ADAMTS3: variants seen among roughly 807,000 people sequenced by gnomAD.
ADAMTS3 encodes A disintegrin and metalloproteinase with thrombospondin motifs 3.
Under a neutral mutation model 129.0 loss-of-function variants are expected in ADAMTS3, and 73 were observed. The ratio of observed to expected loss-of-function variants is 0.57; its 90% confidence interval spans 0.47 to 0.69. The LOEUF (loss-of-function observed/expected upper bound fraction) is 0.69. ADAMTS3 is among the 30% of genes least tolerant of loss of function. ADAMTS3 has a pLI of 0.00. For synonymous variants in ADAMTS3, 477 were observed against 510.8 expected, an observed-to-expected ratio of 0.93 and a Z score of 0.89; for missense variants, 1,457 against 1,514.5, an observed-to-expected ratio of 0.96 and a Z score of 0.63.
chr4:72,567,342 A>C lies in ADAMTS3; in HGVS notation c.97+32T>G, dbSNP rs772576204. 3 of 1,594,428 alleles carry C rather than the reference A, an allele frequency of 1.9e-6. No homozygotes were observed. In the African/African-American group the frequency reaches 4.8e-5, roughly 26 times the overall value. Reference sequence around the variant, plus strand: ...ACTTCATTCCCTTACTTTCAACTTAAGATAAGAGTGACATCTGAGAACAAA... The same window carrying C: ...ACTTCATTCCCTTACTTTCAACTTACGATAAGAGTGACATCTGAGAACAAA... On this transcript the variant is annotated intron_variant, in intron 2 of 21. Transcript: ENST00000286657.
At chr4:72,444,896 C>T (rs1049026755) in intron 3 of ADAMTS3, among the ~76,000 whole-genome samples, 10 of 151,672 alleles carry the variant, frequency 6.6e-5, no homozygotes, top group Admixed American at 1.3e-4. Flanking sequence ...ATGCATGCTA[C>T]GACATGGATG....
intron 3 of ADAMTS3, among the ~76,000 whole-genome samples, chr4:72,424,202 G>C (rs1345229263): frequency 6.6e-6 from 1 of 151,900 alleles, no homozygotes; most frequent in Non-Finnish European, 1.5e-5. Context: ...AGCATCTCCT[G>C]CAAATGGCTA....
intron 11 of ADAMTS3, among the ~76,000 whole-genome samples, chr4:72,315,386 C>T (rs930091245): frequency 6.6e-6 from 1 of 152,130 alleles, no homozygotes; most frequent in African/African-American, 2.4e-5. Context: ...AATGCTGTTA[C>T]ATGTATCCTT....
chr4:72,315,706 A>G lies in ADAMTS3; in HGVS notation c.1599+152T>C, dbSNP rs540507883. ...GTTACCTTAGCCACAGGGAACTAGT[A>G]CACTATTTTAGTACATTACTTTAAT... On this transcript the variant is annotated intron_variant, in intron 11 of 21. Coordinates refer to ENST00000286657, the MANE Select transcript of ADAMTS3 (RefSeq NM_014243.3). The G allele has an allele frequency of 5.8e-6, 3 of 520,540 alleles. No homozygotes were observed. The African/African-American group carries it at 6.0e-5, about 10-fold the overall frequency. 32.2% of individuals were successfully genotyped at this position (520,540 alleles called of 1,614,324 possible). A position where few individuals can be genotyped will look rare whatever the true frequency, so the allele number is the denominator to read the frequency against.
chr4:72,336,626 T>C (rs1231044030), intron 5 of ADAMTS3, among the ~76,000 whole-genome samples: 1 of 152,180 alleles, frequency 6.6e-6, no homozygotes, highest in African/African-American at 2.4e-5. Context: ...TTGCCTAAAG[T>C]TGTCTGCCTG....
chr4:72,466,740 T>G (rs557941106), intron 3 of ADAMTS3, among the ~76,000 whole-genome samples: 1 of 152,202 alleles, frequency 6.6e-6, no homozygotes, highest in African/African-American at 2.4e-5. Flanking sequence ...TCTCTTGTTC[T>G]CTTCTCTTTT....
chr4:72,295,089 A>G (rs944956360), intron 19 of ADAMTS3, among the ~76,000 whole-genome samples: 1 of 152,100 alleles, frequency 6.6e-6, no homozygotes, highest in African/African-American at 2.4e-5. Context: ...TAGAAGATCA[A>G]ATACATAAAA....
At chr4:72,458,958 T>C in intron 3 of ADAMTS3, among the ~76,000 whole-genome samples, 1 of 151,512 alleles carries the variant, frequency 6.6e-6, no homozygotes. Flanking sequence ...AGCACAGCAA[T>C]TGACAAAAAC....
chr4:72,296,520 T>G (rs1718812770), intron 18 of ADAMTS3, among the ~76,000 whole-genome samples: 1 of 152,026 alleles, frequency 6.6e-6, no homozygotes, highest in Non-Finnish European at 1.5e-5. Flanking sequence ...AAAACAATAT[T>G]TGTATACCTT....
chr4:72,427,200 C>G (rs1722594618), intron 3 of ADAMTS3, among the ~76,000 whole-genome samples: 1 of 152,094 alleles, frequency 6.6e-6, no homozygotes, highest in African/African-American at 2.4e-5. Context: ...CAGTTCCACT[C>G]TTTCTCAACA....
chr4:72,294,373 T>C (rs1263413104), intron 19 of ADAMTS3, among the ~76,000 whole-genome samples: 1 of 152,040 alleles, frequency 6.6e-6, no homozygotes, highest in East Asian at 1.9e-4. Flanking sequence ...GTTTTTGAGA[T>C]CTACTGAACA....
intron 2 of ADAMTS3, among the ~76,000 whole-genome samples, chr4:72,561,328 C>A (rs535883720): frequency 1.3e-5 from 2 of 151,364 alleles, no homozygotes; most frequent in East Asian, 3.9e-4. Context: ...GCCTGAGCAA[C>A]AGAGTGAGAC....
At chr4:72,506,101 A>G (rs969902608) in intron 3 of ADAMTS3, among the ~76,000 whole-genome samples, 1 of 152,214 alleles carries the variant, frequency 6.6e-6, no homozygotes, top group Non-Finnish European at 1.5e-5. Flanking sequence ...CTGTTAGTCT[A>G]TGCTAGCAGT....
At chr4:72,534,552 T>A (rs1721139635) in intron 3 of ADAMTS3, among the ~76,000 whole-genome samples, 1 of 152,050 alleles carries the variant, frequency 6.6e-6, no homozygotes, top group Non-Finnish European at 1.5e-5. Context: ...AGAGGAAGAG[T>A]AATTTGTACT....
At chr4:72,530,674 A>ATTATATAATAT (rs1491471193) in intron 3 of ADAMTS3, among the ~76,000 whole-genome samples, 1 of 49,142 alleles carries the variant, frequency 2.0e-5, no homozygotes, top group South Asian at 4.8e-4. Context: ...TATAATATAT[A>ATTATATAATAT]ATATGTATAA....
At chr4:72,502,360 G>C (rs1720048527) in intron 3 of ADAMTS3, among the ~76,000 whole-genome samples, 1 of 152,098 alleles carries the variant, frequency 6.6e-6, no homozygotes, top group East Asian at 1.9e-4. Context: ...CGTGTTTCCA[G>C]GAATTTATTC....
intron 4 of ADAMTS3, among the ~76,000 whole-genome samples, chr4:72,342,867 C>T (rs905135641): frequency 1.3e-5 from 2 of 152,084 alleles, no homozygotes; most frequent in African/African-American, 4.8e-5. Flanking sequence ...GAAGTGGCAT[C>T]GTTGTCTGGG....
intron 3 of ADAMTS3, among the ~76,000 whole-genome samples, chr4:72,509,269 A>G (rs1424775909): frequency 4.6e-5 from 7 of 151,872 alleles, no homozygotes; most frequent in African/African-American, 1.7e-4. Context: ...AAAAAAAATA[A>G]AGGTCGGACC....
rs750553047 is a variant in ADAMTS3 at position 72,319,318 on chromosome 4, A to G, written c.1352+14T>C. On this transcript the variant is annotated intron_variant, in intron 9 of 21. Transcript: ENST00000286657. ...TAAAATAAATACTTTCATGACATGC[A>G]GCAGGGGACATACTGGATATATCTT... The G allele has an allele frequency of 1.2e-6, 2 of 1,613,628 alleles. No homozygotes were observed. Among genetic ancestry groups the G allele is most frequent in the Non-Finnish European group, 1.7e-6 (2 of 1,179,814 alleles).
Sources: gnomAD v4.1 joint callset for allele counts (sites outside exome capture counted in the v4.1 genomes callset) on GRCh38, gnomAD v4.1.1 for gene constraint, MANE v1.5 for transcripts, NCBI Gene and HGNC (gene_info 2026-07-23, HGNC 2026-07-21) for gene names.